GSE1: variants seen among roughly 807,000 people sequenced by gnomAD.
GSE1 encodes the protein Gse1 coiled-coil protein.
A neutral mutation model predicts 112.6 loss-of-function variants in GSE1; 32 were observed. The observed-to-expected ratio is 0.28, with a 90% CI of 0.21 to 0.38. The LOEUF is 0.38. GSE1 is among the 10% of genes least tolerant of loss of function. GSE1 has a pLI of 1.00. For missense variants in GSE1, 2,348 were observed against 1,699.2 expected (o/e 1.38, Z -6.71); for synonymous variants, 1,115 against 735.6 (o/e 1.52, Z -8.35).
chr16:85,191,746 G>T (rs1428580918), intron 1 of GSE1, among the ~76,000 whole-genome samples: 1 of 152,186 alleles, frequency 6.6e-6, no homozygotes, highest in Non-Finnish European at 1.5e-5. Context: ...CCCTCACCTC[G>T]AGAGTAAACG....
chr16:85,509,850 A>G (rs1052841909), intron 2 of GSE1, among the ~76,000 whole-genome samples: 1 of 151,872 alleles, frequency 6.6e-6, no homozygotes, highest in Non-Finnish European at 1.5e-5. Flanking sequence ...TTTGGAAGGG[A>G]TAGGAGACCC....
intron 1 of GSE1, among the ~76,000 whole-genome samples, chr16:85,193,039 T>A (rs1223802633): frequency 6.6e-6 from 1 of 152,206 alleles, no homozygotes. Flanking sequence ...ATCTGGCACA[T>A]CTTGGTAAGG....
intron 2 of GSE1, among the ~76,000 whole-genome samples, chr16:85,463,981 G>T (rs937206376): frequency 2.0e-5 from 3 of 152,150 alleles, no homozygotes; most frequent in Admixed American, 2.0e-4. Context: ...AGAATGGGCG[G>T]GGACGCTGGC....
intron 2 of GSE1, among the ~76,000 whole-genome samples, chr16:85,403,178 C>G (rs1249264205): frequency 1.3e-5 from 2 of 152,140 alleles, no homozygotes; most frequent in African/African-American, 2.4e-5. Flanking sequence ...GAGCTCACCA[C>G]AGGGATCCTG....
chr16:85,294,633 CTCTCTCTCTCTCTCTCTCTCTCTCTG>C, intron 1 of GSE1, among the ~76,000 whole-genome samples: 4 of 138,330 alleles, frequency 2.9e-5, no homozygotes, highest in African/African-American at 8.6e-5. Flanking sequence ...CTCTCTCTCT[CTCTCTCTCTCTCTCTCTCTCTCTCTG>C]TCTCTCTCTC....
chr16:85,181,989 C>G (rs1180049757), intron 1 of GSE1, among the ~76,000 whole-genome samples: 1 of 152,230 alleles, frequency 6.6e-6, no homozygotes, highest in Non-Finnish European at 1.5e-5. Context: ...ACTGTTCTTT[C>G]TCTTGTGCAA....
At chr16:85,664,753 G>T (rs2052699351) in intron 11 of GSE1, 1 of 405,898 alleles carries the variant, frequency 2.5e-6, no homozygotes, top group Non-Finnish European at 4.5e-6. Flanking sequence ...CGTGGGCACA[G>T]TGATTCACAG....
At chr16:85,484,228 A>C (rs2050766711) in intron 2 of GSE1, among the ~76,000 whole-genome samples, 1 of 152,186 alleles carries the variant, frequency 6.6e-6, no homozygotes, top group African/African-American at 2.4e-5. Flanking sequence ...AGTGGGTCCC[A>C]CACACCTGCC....
At chr16:85,541,558 G>C (rs1187875027) in intron 2 of GSE1, among the ~76,000 whole-genome samples, 3 of 152,228 alleles carry the variant, frequency 2.0e-5, no homozygotes, top group African/African-American at 7.2e-5. Flanking sequence ...GCAGACCCCT[G>C]CCAGCCACTC....
intron 2 of GSE1, among the ~76,000 whole-genome samples, chr16:85,463,731 G>C (rs2050045092): frequency 6.6e-6 from 1 of 152,174 alleles, no homozygotes; most frequent in South Asian, 2.1e-4. Context: ...GGCACAGTTA[G>C]GCAGCGAGAG....
rs74694955 is a variant in GSE1 at position 85,380,748 on chromosome 16, C to T, written c.2464+23105C>T. Among the ~76,000 whole-genome samples, 286 of 152,246 alleles carry T rather than the reference C, an allele frequency of 1.9e-3. 1 individual carries two copies. Among genetic ancestry groups the T allele is most frequent in the African/African-American group, 6.4e-3 (267 of 41,544 alleles). On this transcript the variant is annotated intron_variant, in intron 2 of 2. Coordinates refer to the GSE1 transcript ENST00000637419. Reference sequence around the variant, plus strand: ...ACTCACTGGGGGTCCTGCATCAAGCCGCAATCCATCATCCAGCCTCGCAAA... The same window carrying T: ...ACTCACTGGGGGTCCTGCATCAAGCTGCAATCCATCATCCAGCCTCGCAAA...
At chr16:85,334,439 T>G (rs1034998738) in intron 1 of GSE1, among the ~76,000 whole-genome samples, 1 of 152,226 alleles carries the variant, frequency 6.6e-6, no homozygotes, top group African/African-American at 2.4e-5. Flanking sequence ...TGGGCCCTTC[T>G]GGCCCCCTCC....
At chr16:85,494,550 T>C (rs957146504) in intron 2 of GSE1, among the ~76,000 whole-genome samples, 5 of 151,500 alleles carry the variant, frequency 3.3e-5, no homozygotes, top group Non-Finnish European at 5.9e-5. Flanking sequence ...CTTCCAGGCA[T>C]GCCCCACCAC....
intron 2 of GSE1, among the ~76,000 whole-genome samples, chr16:85,378,473 T>C (rs1338442313): frequency 6.6e-6 from 1 of 152,210 alleles, no homozygotes; most frequent in Non-Finnish European, 1.5e-5. Context: ...ACGGGAAGTC[T>C]GCTCAGCCTC....
chr16:85,515,380 G>A (rs1402862785), intron 2 of GSE1, among the ~76,000 whole-genome samples: 1 of 152,252 alleles, frequency 6.6e-6, no homozygotes, highest in Admixed American at 6.5e-5. Context: ...TGCTCAGCAG[G>A]GTTAAGTAGC....
chr16:85,320,909 C>G (rs912458515), intron 1 of GSE1, among the ~76,000 whole-genome samples: 2 of 152,164 alleles, frequency 1.3e-5, no homozygotes, highest in Admixed American at 1.3e-4. Context: ...CCGGAACACC[C>G]AGAGCTCCCT....
At chr16:85,435,823 G>A (rs866722145) in intron 2 of GSE1, among the ~76,000 whole-genome samples, 22 of 152,278 alleles carry the variant, frequency 1.4e-4, no homozygotes, top group African/African-American at 4.8e-4. Context: ...ACCAGGGGCC[G>A]TGCACCCAGT....
chr16:85,622,206 T>G (rs138714217), intron 1 of GSE1, among the ~76,000 whole-genome samples: 1 of 152,198 alleles, frequency 6.6e-6, no homozygotes, highest in Non-Finnish European at 1.5e-5. Context: ...ATGACTGTTA[T>G]GGGAGCTTTT....
In GSE1 at chr16:85,674,043, A is replaced by AC. The variant is rs1454501832; in HGVS notation, c.*1505dup. The AC allele has an allele frequency of 6.6e-6, 1 of 152,260 alleles. No individual in the cohort carries two copies. The highest frequency in any genetic ancestry group is 2.4e-5 in the African/African-American group (1 of 41,456). 9.4% of individuals were successfully genotyped at this position (152,260 alleles called of 1,614,324 possible). A position where few individuals can be genotyped will look rare whatever the true frequency, so the allele number is the denominator to read the frequency against. ...GCGAGTCTTCCTCCTTGTCCTAGTT[A>AC]CTGCCTATGGAGGCAGTGTTTAGAT... On this transcript the variant is annotated 3_prime_UTR_variant, in exon 16 of 16. Transcript: ENST00000253458.
Sources: allele counts gnomAD v4.1 joint callset (sites outside exome capture counted in the v4.1 genomes callset), GRCh38; gene constraint gnomAD v4.1.1; transcripts MANE v1.5; gene names NCBI Gene and HGNC (gene_info 2026-07-23, HGNC 2026-07-21).